The following ALDH1A1 variants were observed in gnomAD, a reference collection of about 807,000 sequenced individuals.
ALDH1A1 encodes the protein aldehyde dehydrogenase 1 family member A1, also known as aldehyde dehydrogenase 1A1.
In ALDH1A1, 19 loss-of-function variants were observed where a neutral mutation model predicts 62.1. The ratio of observed to expected loss-of-function variants is 0.31; its 90% CI spans 0.21 to 0.45. The LOEUF (loss-of-function observed/expected upper bound fraction) is 0.45, where lower values mean the gene tolerates loss of function less well. Among genes scored for constraint, ALDH1A1 ranks in the 20% least tolerant of loss-of-function variants. The pLI is 1.00. For synonymous variants in ALDH1A1, 231 were observed against 215.9 expected (o/e 1.07, Z -0.61); for missense variants, 521 against 607.1 (o/e 0.86, Z 1.49).
In ALDH1A1 at chr9:72,908,609, AAGAAAGAAAGAAAGAAAG is replaced by A. The variant is rs1233807803; in HGVS notation, c.1358+975_1358+992del. ...AAAGAAAGAAAGAAAGAAAGAAAGA[AAGAAAGAAAGAAAGAAAG>A]AGAATATTGCATAGGTCTGATCTAG... On this transcript the variant is annotated intron_variant, in intron 11 of 12. Coordinates refer to ENST00000297785, the MANE Select transcript of ALDH1A1 (RefSeq NM_000689.5). 2.2e-3 allele frequency among the ~76,000 whole-genome samples: 280 copies of A among 125,912 alleles called. 1 individual carries two copies. The highest frequency in any genetic ancestry group is 6.4e-3 in the African/African-American group (228 of 35,804). The allele number at this position is 125,912 out of a possible 152,430, so 82.6% of individuals were successfully genotyped here.
At chr9:72,928,365 C>T (rs1830237580) in intron 4 of ALDH1A1, among the ~76,000 whole-genome samples, 1 of 152,176 alleles carries the variant, frequency 6.6e-6, no homozygotes, top group Non-Finnish European at 1.5e-5. Context: ...GCTGCAAACA[C>T]AGTCCCATCT....
Position 72,908,506 on chromosome 9 carries a change from C to CGAAAGAAA in ALDH1A1, c.1358+1088_1358+1095dup, listed in dbSNP as rs35843379. ...AGAAAGAGAAAGAGAGAGAGAGAGA[C>CGAAAGAAA]GAAAGAAAGAAAGAAAGAAAGAAAG... On this transcript the variant is annotated intron_variant, in intron 11 of 12. Coordinates refer to ENST00000297785, the MANE Select transcript of ALDH1A1 (RefSeq NM_000689.5). Among the ~76,000 whole-genome samples, 6 of 63,050 alleles carry CGAAAGAAA rather than the reference C, an allele frequency of 9.5e-5. 1 individual carries two copies. The highest frequency in any genetic ancestry group is 4.2e-4 in the African/African-American group (5 of 11,998). The allele number at this position is 63,050 out of a possible 152,430, so 41.4% of individuals were successfully genotyped here.
At position 72,901,168 on chromosome 9, in the gene ALDH1A1, C is replaced by T. The variant is rs1210097321; in HGVS notation, c.*40G>A. On this transcript the variant is annotated 3_prime_UTR_variant, in exon 13 of 13. Coordinates refer to ENST00000297785, the MANE Select transcript of ALDH1A1 (RefSeq NM_000689.5). Reference sequence around the variant, plus strand: ...CTATATTAGTGACTGTAAGGAGATGCTTAGCTATTGAAGAGCTTCTCTCCA... The same window carrying T: ...CTATATTAGTGACTGTAAGGAGATGTTTAGCTATTGAAGAGCTTCTCTCCA... 1 of 1,454,384 alleles carries T rather than the reference C, an allele frequency of 6.9e-7. No individual in the cohort carries two copies. The highest frequency in any genetic ancestry group is 1.4e-5 in the African/African-American group (1 of 71,484). The allele number at this position is 1,454,384 out of a possible 1,614,324, so 90.1% of individuals were successfully genotyped here. A position where few individuals can be genotyped will look rare whatever the true frequency, so the allele number is the denominator to read the frequency against.
intron 1 of ALDH1A1, among the ~76,000 whole-genome samples, chr9:72,944,699 C>T (rs1830456304): frequency 6.6e-6 from 1 of 151,622 alleles, no homozygotes; most frequent in Non-Finnish European, 1.5e-5. Context: ...TGTTTTTTGC[C>T]TTTAGCCAGC....
intron 7 of ALDH1A1, among the ~76,000 whole-genome samples, chr9:72,921,575 C>T (rs1830146415): frequency 7.5e-6 from 1 of 132,900 alleles, no homozygotes; most frequent in South Asian, 2.3e-4. Context: ...GCACATTGTG[C>T]AGGTTAGTTA....
rs927636872 is a variant in ALDH1A1 at position 72,930,880 on chromosome 9, G to A, written c.311C>T (p.Ala104Val). The A allele has an allele frequency of 4.3e-6, 7 of 1,613,734 alleles. No homozygotes were observed. Among genetic ancestry groups the A allele is most frequent in the Non-Finnish European group, 5.1e-6 (6 of 1,179,880 alleles). ...DLIERDRLLL[A>V]TMESMNGGKL... Reference sequence around the variant, plus strand: ...CCATCCAGCTTGGATAATACTCACCGCCAGCAGCAGACGATCTCTTTCGAT... The same window carrying A: ...CCATCCAGCTTGGATAATACTCACCACCAGCAGCAGACGATCTCTTTCGAT... The change falls in exon 3 of 13, where the codon GCG becomes GTG. Residue 104 changes from alanine to valine, a missense_variant and splice_region_variant. Physicochemically the swap from Ala to Val is moderately conservative, Grantham distance 64. Coordinates refer to ENST00000297785, the MANE Select transcript of ALDH1A1 (RefSeq NM_000689.5).
chr9:72,901,635 C>T (rs1395188217), intron 12 of ALDH1A1, among the ~76,000 whole-genome samples: 2 of 152,026 alleles, frequency 1.3e-5, no homozygotes, highest in Non-Finnish European at 2.9e-5. Flanking sequence ...AGCTCTAAAA[C>T]TACTCAAAAG....
chr9:72,937,153 T>A (rs1333527344), intron 2 of ALDH1A1, among the ~76,000 whole-genome samples: 2 of 152,112 alleles, frequency 1.3e-5, no homozygotes, highest in African/African-American at 4.8e-5. Flanking sequence ...CAACACTTGA[T>A]GAAAAAGAAG....
intron 4 of ALDH1A1, among the ~76,000 whole-genome samples, chr9:72,927,814 C>A (rs1475674781): frequency 2.0e-5 from 3 of 151,932 alleles, no homozygotes; most frequent in African/African-American, 4.8e-5. Context: ...ATAGCAAATT[C>A]TCTAAATACA....
chr9:72,949,172 C>G (rs374300901), intron 1 of ALDH1A1, among the ~76,000 whole-genome samples: 8 of 151,890 alleles, frequency 5.3e-5, no homozygotes, highest in African/African-American at 1.9e-4. Flanking sequence ...GCCTCATAGC[C>G]TCTCCTAGCC....
Position 72,912,822 on chromosome 9 carries a change from T to A in ALDH1A1, c.1036-700A>T, listed in dbSNP as rs192702218. ...TTAAATCGTCTTTATTTAAACACTA[T>A]TTTTATAAGGAAAATAAATGAGTTT... is the stretch of plus-strand genomic sequence containing the variant. On this transcript the variant is annotated intron_variant, in intron 9 of 12. Transcript: ENST00000297785. Among the ~76,000 whole-genome samples the A allele has an allele frequency of 2.0e-3, 310 of 152,328 alleles. 1 individual carries two copies. The highest frequency in any genetic ancestry group is 7.3e-3 in the African/African-American group (302 of 41,572).
chr9:72,927,465 A>G (rs1174349216), intron 4 of ALDH1A1, among the ~76,000 whole-genome samples: 3 of 152,184 alleles, frequency 2.0e-5, no homozygotes, highest in Non-Finnish European at 4.4e-5. Flanking sequence ...GTTAGGTGAA[A>G]TCAAAGAGGC....
intron 5 of ALDH1A1, among the ~76,000 whole-genome samples, chr9:72,926,125 G>T (rs1830202021): frequency 6.6e-6 from 1 of 152,166 alleles, no homozygotes; most frequent in Non-Finnish European, 1.5e-5. Context: ...AACTCACACA[G>T]GTTACGTGCT....
At chr9:72,935,940 G>A (rs1045645342) in intron 2 of ALDH1A1, among the ~76,000 whole-genome samples, 1 of 152,162 alleles carries the variant, frequency 6.6e-6, no homozygotes, top group Non-Finnish European at 1.5e-5. Context: ...TGTGGGAAGA[G>A]CAATAATTAT....
At chr9:72,912,715 C>T (rs1193155596) in intron 9 of ALDH1A1, among the ~76,000 whole-genome samples, 1 of 152,184 alleles carries the variant, frequency 6.6e-6, no homozygotes, top group African/African-American at 2.4e-5. Context: ...AAATCTGCTT[C>T]CAATTTCTGG....
chr9:72,911,889 A>T, intron 10 of ALDH1A1, 69 bp downstream of exon 10: 1 of 1,548,082 alleles, frequency 6.5e-7, no homozygotes, highest in Non-Finnish European at 8.9e-7. Flanking sequence ...TTTTAAAGTG[A>T]CACTTTGTAT....
chr9:72,933,059 C>T (rs190735049), intron 2 of ALDH1A1, among the ~76,000 whole-genome samples: 129 of 152,320 alleles, frequency 8.5e-4, no homozygotes, highest in African/African-American at 3.0e-3. Flanking sequence ...TCCTTTGGAT[C>T]ATGCGCCCCC....
In ALDH1A1 at chr9:72,928,929, A is replaced by G; in HGVS notation, c.405T>C (p.Gly135=). The G allele has an allele frequency of 6.2e-7, 1 of 1,613,988 alleles. No individual in the cohort carries two copies. The highest frequency in any genetic ancestry group is 1.1e-5 in the South Asian group (1 of 91,082). Residue 135 remains glycine, a synonymous_variant, in exon 4 of 13, where the codon GGT becomes GGC. Transcript: ENST00000297785. ...GCIKTLRYCA[G]WADKIQGRTI... is the part of the protein sequence containing the mutation. ...TACGGCCCTGGATCTTGTCAGCCCA[A>G]CCTGCACAGTAGCGCAATGTTTTGA...
At chr9:72,921,272 G>C (rs1714349230) in intron 7 of ALDH1A1, among the ~76,000 whole-genome samples, 1 of 150,374 alleles carries the variant, frequency 6.7e-6, no homozygotes. Flanking sequence ...TTCTTACCTT[G>C]CCTAAAGTGT....
Sources: allele counts gnomAD v4.1 joint callset (sites outside exome capture counted in the v4.1 genomes callset), GRCh38; gene constraint gnomAD v4.1.1; transcripts MANE v1.5; gene names NCBI Gene and HGNC (gene_info 2026-07-23, HGNC 2026-07-21).